Variants in NAV3 observed in about 807,000 individuals in gnomAD.
The protein encoded by NAV3 is neuron navigator 3, also known as pore membrane and/or filament interacting like protein 1.
NAV3 carries 87 observed loss-of-function variants against 244.7 expected under a neutral mutation model. That is an observed-to-expected ratio of 0.36 (90% CI 0.30 to 0.42). NAV3 has a LOEUF of 0.42. Ranked by LOEUF, NAV3 falls within the 20% of genes least tolerant of loss-of-function variation. The pLI, the probability that NAV3 is intolerant of heterozygous loss-of-function variation, is 1.00. For synonymous variants in NAV3, 1,126 were observed against 1,042.2 expected, an observed-to-expected ratio of 1.08 and a Z score of -1.55; for missense variants, 2,663 against 2,893.3, an observed-to-expected ratio of 0.92 and a Z score of 1.83.
chr12:77,950,621 G>C (rs190398932), intron 3 of NAV3: 1 of 152,142 alleles, frequency 6.6e-6, no homozygotes, highest in South Asian at 2.1e-4. Flanking sequence ...ACAATCCTAA[G>C]CCAAAAGAAC....
chr12:77,936,246 T>G (rs1236735660), intron 1 of NAV3, among the ~76,000 whole-genome samples: 2 of 152,240 alleles, frequency 1.3e-5, no homozygotes, highest in Non-Finnish European at 2.9e-5. Flanking sequence ...TTTTTATCAC[T>G]TTTAATTATG....
chr12:77,650,286 G>A (rs950829747), intron 2 of NAV3, among the ~76,000 whole-genome samples: 1 of 152,134 alleles, frequency 6.6e-6, no homozygotes, highest in African/African-American at 2.4e-5. Flanking sequence ...GTTTTTGAGA[G>A]GTGCAATCGG....
chr12:77,830,756 T>C (rs1873527158), upstream of NAV3: 1 of 152,256 alleles, frequency 6.6e-6, no homozygotes, highest in African/African-American at 2.4e-5. Flanking sequence ...AACAACTTTA[T>C]TGCTGAGATT....
chr12:77,728,034 T>G (rs1359874675), intron 2 of NAV3, among the ~76,000 whole-genome samples: 1 of 151,846 alleles, frequency 6.6e-6, no homozygotes, highest in East Asian at 1.9e-4. Context: ...AACAAAATAT[T>G]TCTGCTCCTC....
intron 1 of NAV3, among the ~76,000 whole-genome samples, chr12:77,837,932 T>G (rs1332775950): frequency 6.6e-6 from 1 of 152,332 alleles, no homozygotes; most frequent in South Asian, 2.1e-4. Flanking sequence ...AGTAGATCAC[T>G]GGCTCTGGCC....
At chr12:78,079,702 G>C (rs1217195041) in intron 12 of NAV3, among the ~76,000 whole-genome samples, 1 of 152,098 alleles carries the variant, frequency 6.6e-6, no homozygotes, top group East Asian at 1.9e-4. Flanking sequence ...TTTATTTAGA[G>C]AATGGCTGGA....
chr12:77,811,538 T>C lies in NAV3; in HGVS notation c.73-128781T>C, dbSNP rs79906804. ...TTGTTAGTTTGATTATATACCTAAT[T>C]TATTTAATCTTCCACATTTGTCAGA... is the stretch of plus-strand genomic sequence containing the variant. On this transcript the variant is annotated intron_variant, in intron 2 of 8. Coordinates refer to the NAV3 transcript ENST00000550042. Among the ~76,000 whole-genome samples, 1,106 of 152,312 alleles carry C rather than the reference T, an allele frequency of 7.3e-3. 42 individuals are homozygous for C. In the East Asian group the frequency reaches 0.1, roughly 14 times the overall value.
chr12:77,602,374 T>TA (rs1870475191), intron 2 of NAV3, among the ~76,000 whole-genome samples: 1 of 152,014 alleles, frequency 6.6e-6, no homozygotes, highest in South Asian at 2.1e-4. Flanking sequence ...GACATGGTGA[T>TA]ATAATGAGTT....
At chr12:77,978,932 A>G (rs1869014188) in intron 5 of NAV3, among the ~76,000 whole-genome samples, 1 of 152,060 alleles carries the variant, frequency 6.6e-6, no homozygotes, top group Admixed American at 6.6e-5. Context: ...CTTCAGCCTC[A>G]AAATGTTGAG....
intron 2 of NAV3, among the ~76,000 whole-genome samples, chr12:77,676,376 G>A (rs757440474): frequency 3.9e-5 from 6 of 152,066 alleles, no homozygotes; most frequent in African/African-American, 9.7e-5. Context: ...TGTCCTCCAT[G>A]GCCTCTTCCA....
chr12:77,710,217 A>T (rs1876041480), intron 2 of NAV3, among the ~76,000 whole-genome samples: 1 of 152,198 alleles, frequency 6.6e-6, no homozygotes, highest in African/African-American at 2.4e-5. Context: ...CTCTTTCCAG[A>T]TCACTTAAAA....
At chr12:77,602,099 G>A (rs1870460428) in intron 2 of NAV3, among the ~76,000 whole-genome samples, 1 of 152,002 alleles carries the variant, frequency 6.6e-6, no homozygotes, top group South Asian at 2.1e-4. Flanking sequence ...GTTGCAGAGA[G>A]GAAGGAGCAA....
chr12:77,675,171 T>C (rs1292039502), intron 2 of NAV3, among the ~76,000 whole-genome samples: 2 of 152,214 alleles, frequency 1.3e-5, no homozygotes, highest in African/African-American at 4.8e-5. Context: ...CATTTTACAT[T>C]GTTTGTTATT....
At chr12:77,885,380 G>A (rs10466985) in intron 1 of NAV3, among the ~76,000 whole-genome samples, 2,533 of 152,030 alleles carry the variant, frequency 0.017, 73 homozygotes, top group African/African-American at 0.055. Flanking sequence ...TACTAGTTTT[G>A]TATATATGTC....
chr12:77,855,953 T>C (rs1169343790), intron 1 of NAV3, among the ~76,000 whole-genome samples: 1 of 152,358 alleles, frequency 6.6e-6, no homozygotes, highest in Non-Finnish European at 1.5e-5. Context: ...GTATTTTATA[T>C]AGCAAGTGCT....
chr12:77,845,731 G>A (rs2136205873), intron 1 of NAV3, among the ~76,000 whole-genome samples: 1 of 145,674 alleles, frequency 6.9e-6, no homozygotes, highest in Non-Finnish European at 1.5e-5. Flanking sequence ...TTGGCTCCCT[G>A]CAACATCCGC....
intron 12 of NAV3, among the ~76,000 whole-genome samples, chr12:78,108,098 A>G (rs1954899997): frequency 6.6e-6 from 1 of 152,172 alleles, no homozygotes; most frequent in Non-Finnish European, 1.5e-5. Context: ...GGCTGAAAGT[A>G]AAAGAATGGT....
intron 9 of NAV3, among the ~76,000 whole-genome samples, chr12:78,022,328 C>T (rs1877296692): frequency 6.6e-6 from 1 of 151,956 alleles, no homozygotes; most frequent in Non-Finnish European, 1.5e-5. Flanking sequence ...AAATACATAT[C>T]CCAGACACAG....
intron 22 of NAV3, among the ~76,000 whole-genome samples, chr12:78,151,211 A>G (rs1957069606): frequency 6.6e-6 from 1 of 152,118 alleles, no homozygotes; most frequent in African/African-American, 2.4e-5. Flanking sequence ...ATGTGTTATC[A>G]TTAGTATTAA....
Sources: allele counts gnomAD v4.1 joint callset (sites outside exome capture counted in the v4.1 genomes callset), GRCh38; gene constraint gnomAD v4.1.1; transcripts MANE v1.5; gene names NCBI Gene and HGNC (gene_info 2026-07-23, HGNC 2026-07-21).